The following RASGEF1A variants were observed in gnomAD, a reference collection of about 807,000 sequenced individuals.
The protein encoded by RASGEF1A is ras-GEF domain-containing family member 1A.
RASGEF1A carries 18 observed loss-of-function variants against 56.4 expected under a neutral mutation model. The observed-to-expected ratio is 0.32, with a 90% CI of 0.22 to 0.47. The LOEUF (loss-of-function observed/expected upper bound fraction) is 0.47, where lower values mean the gene tolerates loss of function less well. RASGEF1A is among the 20% of genes least tolerant of loss of function. RASGEF1A has a pLI of 1.00. For synonymous variants in RASGEF1A, 245 were observed against 242.6 expected, an observed-to-expected ratio of 1.01 and a Z score of -0.09; for missense variants, 422 against 627.1, an observed-to-expected ratio of 0.67 and a Z score of 3.49.
At chr10:43,232,765 G>A (rs1840387714) in intron 1 of RASGEF1A, among the ~76,000 whole-genome samples, 2 of 152,168 alleles carry the variant, frequency 1.3e-5, no homozygotes, top group South Asian at 2.1e-4. Context: ...GGGATTACAG[G>A]CATGAGCCAC....
chr10:43,212,595 C>T (rs1840083061), intron 1 of RASGEF1A, among the ~76,000 whole-genome samples: 7 of 152,178 alleles, frequency 4.6e-5, no homozygotes, highest in South Asian at 2.1e-4. Context: ...GTGGGGAGTG[C>T]GGGGTGGCAG....
At chr10:43,204,645 T>G (rs1465782448) in intron 2 of RASGEF1A, among the ~76,000 whole-genome samples, 1 of 152,036 alleles carries the variant, frequency 6.6e-6, no homozygotes, top group Non-Finnish European at 1.5e-5. Flanking sequence ...TGTGTTCAGC[T>G]ACCGGTGCAC....
intron 1 of RASGEF1A, among the ~76,000 whole-genome samples, chr10:43,230,083 C>T (rs1412586110): frequency 6.6e-6 from 1 of 152,036 alleles, no homozygotes; most frequent in Non-Finnish European, 1.5e-5. Context: ...GGCGAGGGGG[C>T]GCAGCGTGGG....
intron 1 of RASGEF1A, among the ~76,000 whole-genome samples, chr10:43,248,364 TAAAA>T (rs34561814): frequency 5.4e-5 from 6 of 111,412 alleles, no homozygotes; most frequent in African/African-American, 6.8e-5. Flanking sequence ...ACTCGGTCTT[TAAAA>T]AAAAAAAAAA....
chr10:43,203,222 A>C (rs1588929161), intron 3 of RASGEF1A, 76 bp downstream of exon 3: 21 of 1,015,524 alleles, frequency 2.1e-5, no homozygotes, highest in Admixed American at 4.2e-5. Flanking sequence ...ACCCCGCCCC[A>C]TGCCTCCAGC....
intron 1 of RASGEF1A, among the ~76,000 whole-genome samples, chr10:43,258,294 G>A (rs1037167946): frequency 2.0e-5 from 3 of 152,218 alleles, no homozygotes; most frequent in East Asian, 1.9e-4. Flanking sequence ...TTCTGTGAGC[G>A]GGAGGACCCC....
In RASGEF1A at chr10:43,218,546, G is replaced by A. The variant is rs553548992; in HGVS notation, c.-6-12424C>T. Among the ~76,000 whole-genome samples, 9 of 152,150 alleles carry A rather than the reference G, an allele frequency of 5.9e-5. No individual in the cohort carries two copies. In the East Asian group the frequency reaches 1.7e-3, roughly 29 times the overall value. Reference sequence around the variant, plus strand: ...GGGAGCACATGCTGGCCCCATTCCTGCAGCAGGGCAGGGAACTCCCTGCAG... The same window carrying A: ...GGGAGCACATGCTGGCCCCATTCCTACAGCAGGGCAGGGAACTCCCTGCAG... On this transcript the variant is annotated intron_variant, in intron 1 of 12. Coordinates refer to ENST00000395810, the MANE Select transcript of RASGEF1A (RefSeq NM_145313.4).
intron 1 of RASGEF1A, chr10:43,207,013 T>C (rs1840005377): frequency 5.1e-6 from 5 of 985,482 alleles, no homozygotes; most frequent in African/African-American, 1.7e-5. Flanking sequence ...GGAGTTCTTG[T>C]GAAGCCTAGG....
In RASGEF1A at chr10:43,201,825, C is replaced by A. The variant is rs1390622611; in HGVS notation, c.442G>T (p.Val148Phe). 1 of 1,607,698 alleles carries A rather than the reference C, an allele frequency of 6.2e-7. No individual in the cohort carries two copies. The highest frequency in any genetic ancestry group is 1.7e-5 in the Admixed American group (1 of 59,876). ...GCACTCACCTCATCACACTGGGTGA[C>A]ACGGTGTGTGATGGCTTTCAGCTCG... is the stretch of plus-strand genomic sequence containing the variant. ...MAELKAITHR[V>F]TQCDEENGTV... The change falls in exon 4 of 13, where the codon GTC becomes TTC. Residue 148 changes from valine to phenylalanine, a missense_variant. Physicochemically the swap from Val to Phe is conservative, Grantham distance 50. Transcript: ENST00000395810.
At chr10:43,206,382 C>T (rs111845972) in intron 1 of RASGEF1A, among the ~76,000 whole-genome samples, 124 of 152,302 alleles carry the variant, frequency 8.1e-4, no homozygotes, top group Middle Eastern at 3.4e-3. Context: ...CACTCAAAGC[C>T]GGCAGAGAAG....
intron 9 of RASGEF1A, 61 bp downstream of exon 9, chr10:43,198,872 T>G: frequency 3.4e-6 from 5 of 1,480,944 alleles, no homozygotes; most frequent in Non-Finnish European, 4.7e-6. Flanking sequence ...AGGGCCCCCT[T>G]CGGGCCATTG....
chr10:43,216,297 GT>G, intron 1 of RASGEF1A, among the ~76,000 whole-genome samples: 1 of 152,310 alleles, frequency 6.6e-6, no homozygotes, highest in East Asian at 1.9e-4. Context: ...GCCCCACTCT[GT>G]GAGGGTCTGG....
chr10:43,203,575 C>A, intron 2 of RASGEF1A, 155 bp from the exon 3 acceptor site: 1 of 1,314,322 alleles, frequency 7.6e-7, no homozygotes, highest in Non-Finnish European at 1.0e-6. Context: ...GCCTTGCAGG[C>A]CCTTCCTCCT....
At chr10:43,253,038 TC>T in intron 1 of RASGEF1A, among the ~76,000 whole-genome samples, 1 of 152,276 alleles carries the variant, frequency 6.6e-6, no homozygotes, top group East Asian at 1.9e-4. Context: ...CCCCATGGTC[TC>T]CTCTGTCCAT....
intron 1 of RASGEF1A, among the ~76,000 whole-genome samples, chr10:43,254,378 T>C (rs1840664170): frequency 6.6e-6 from 1 of 152,182 alleles, no homozygotes; most frequent in Admixed American, 6.5e-5. Flanking sequence ...GCACTGGCCC[T>C]CCTGCTGAGG....
chr10:43,218,444 T>TC (rs35734415), intron 1 of RASGEF1A, among the ~76,000 whole-genome samples: 2,119 of 152,286 alleles, frequency 0.014, 18 homozygotes, highest in Non-Finnish European at 0.021. Context: ...GGGGTGACAC[T>TC]CCCCTGCAGG....
Position 43,206,070 on chromosome 10 carries a change from C to T in RASGEF1A, c.47G>A (p.Cys16Tyr). The T allele has an allele frequency of 2.5e-6, 4 of 1,604,936 alleles. No individual in the cohort carries two copies. The part of the protein sequence containing the change: ...VVFSSILGPS[C>Y]SGQVQPGMGE... ...CATGCCAGGCTGCACCTGTCCGCTA[C>T]AGCTGGGCCCAAGGATGCTGGAGAA... The change falls in exon 2 of 13, where the codon TGT (cysteine) becomes TAT (tyrosine). Residue 16 changes from cysteine to tyrosine, a missense_variant. Around this residue, in one of 2 missense-constraint regions of RASGEF1A, gnomAD observed 273 missense variants for 339.9 expected, o/e 0.80. Coordinates refer to ENST00000395810, the MANE Select transcript of RASGEF1A (RefSeq NM_145313.4).
chr10:43,244,449 G>C (rs1036752218), intron 1 of RASGEF1A, among the ~76,000 whole-genome samples: 6 of 150,266 alleles, frequency 4.0e-5, no homozygotes, highest in African/African-American at 1.5e-4. Context: ...AAGCCAACTA[G>C]ACCTAACAGA....
chr10:43,263,896 C>T (rs1416538437), intron 1 of RASGEF1A, among the ~76,000 whole-genome samples: 3 of 152,098 alleles, frequency 2.0e-5, no homozygotes, highest in African/African-American at 7.2e-5. Context: ...CAGCAGCAGT[C>T]ACACCCCCAC....
Sources: gnomAD v4.1 joint callset for allele counts (sites outside exome capture counted in the v4.1 genomes callset) on GRCh38, gnomAD v4.1.1 for gene constraint, gnomAD v4.1.1 regional missense constraint, MANE v1.5 for transcripts, NCBI Gene and HGNC (gene_info 2026-07-23, HGNC 2026-07-21) for gene names.